Variants in RUBCN observed in about 807,000 individuals in gnomAD.
RUBCN encodes rubicon autophagy regulator, also known as run domain Beclin-1-interacting and cysteine-rich domain-containing protein.
RUBCN carries 74 observed loss-of-function variants against 113.2 expected under a neutral mutation model. The ratio of observed to expected loss-of-function variants is 0.65; its 90% CI spans 0.54 to 0.79. The LOEUF (loss-of-function observed/expected upper bound fraction) is 0.79. RUBCN is among the 30% of genes least tolerant of loss of function. The probability of loss-of-function intolerance (pLI) is 0.00; values close to 1 mark genes in which losing one functional copy is unlikely to be tolerated. For missense variants in RUBCN, 1,109 were observed against 1,251.7 expected (o/e 0.89, Z 1.72); for synonymous variants, 480 against 490.0 (o/e 0.98, Z 0.27).
At chr3:197,720,641 A>G (rs1421171783) in intron 1 of RUBCN, among the ~76,000 whole-genome samples, 1 of 152,132 alleles carries the variant, frequency 6.6e-6, no homozygotes, top group South Asian at 2.1e-4. Flanking sequence ...TCCTGGGCTC[A>G]CATGATCTGT....
At chr3:197,749,251 A>G (rs1728897423) in intron 1 of RUBCN, 1 of 1,033,182 alleles carries the variant, frequency 9.7e-7, no homozygotes, top group African/African-American at 1.7e-5. Flanking sequence ...ATGCAGCTAC[A>G]TCAACAGAGG....
At chr3:197,738,808 T>C (rs1438889229), upstream of RUBCN, among the ~76,000 whole-genome samples, 4 of 151,688 alleles carry the variant, frequency 2.6e-5, no homozygotes, top group Admixed American at 2.0e-4. Flanking sequence ...CCTAAGCTGG[T>C]CTCAAATTCC....
intron 4 of RUBCN, among the ~76,000 whole-genome samples, 184 bp from the exon 5 acceptor site, chr3:197,703,838 C>T (rs1050731826): frequency 4.6e-5 from 7 of 152,132 alleles, no homozygotes; most frequent in South Asian, 2.1e-4. Flanking sequence ...GAGGCTTCAA[C>T]GTCAGAAAAA....
At chr3:197,734,705 A>T (rs1245365282) in intron 1 of RUBCN, among the ~76,000 whole-genome samples, 1 of 152,250 alleles carries the variant, frequency 6.6e-6, no homozygotes, top group Non-Finnish European at 1.5e-5. Context: ...ATGAAGTGGT[A>T]GAGGGAAATC....
At chr3:197,731,813 T>C (rs1030913049) in intron 1 of RUBCN, among the ~76,000 whole-genome samples, 12 of 149,262 alleles carry the variant, frequency 8.0e-5, no homozygotes, top group African/African-American at 3.0e-4. Flanking sequence ...CCCCCCCACC[T>C]CCCTCCGGGA....
upstream of RUBCN, among the ~76,000 whole-genome samples, chr3:197,738,077 A>T: frequency 6.6e-6 from 1 of 152,214 alleles, no homozygotes; most frequent in East Asian, 1.9e-4. Flanking sequence ...TTTTTAAAAG[A>T]AGCTAGGATC....
At chr3:197,698,814 G>A (rs1207224821) in intron 7 of RUBCN, among the ~76,000 whole-genome samples, 2 of 79,860 alleles carry the variant, frequency 2.5e-5, no homozygotes, top group African/African-American at 1.0e-4. Context: ...GCAATGCGGT[G>A]AAACCCTGTC....
exon 1 of RUBCN, chr3:197,749,433 C>A: frequency 8.1e-7 from 1 of 1,231,290 alleles, no homozygotes; most frequent in Non-Finnish European, 1.0e-6. Flanking sequence ...CGTTCAGATG[C>A]GGCAGCTCAG....
intron 2 of RUBCN, among the ~76,000 whole-genome samples, chr3:197,713,986 G>C (rs1361685860): frequency 6.6e-6 from 1 of 152,070 alleles, no homozygotes; most frequent in Non-Finnish European, 1.5e-5. Flanking sequence ...TGAGGCAGGA[G>C]AATGGCGTAA....
At chr3:197,733,285 C>T (rs112468738) in intron 1 of RUBCN, among the ~76,000 whole-genome samples, 1,539 of 152,232 alleles carry the variant, frequency 0.01, 16 homozygotes, top group South Asian at 0.043. Context: ...CTGGCCTAGG[C>T]AACATGGTGA....
intron 11 of RUBCN, among the ~76,000 whole-genome samples, chr3:197,690,544 CTACT>C (rs1401070115): frequency 2.6e-5 from 4 of 152,166 alleles, no homozygotes; most frequent in Non-Finnish European, 5.9e-5. Flanking sequence ...TACAGGAAAC[CTACT>C]TATTTGGATC....
intron 1 of RUBCN, among the ~76,000 whole-genome samples, chr3:197,726,768 C>G (rs1191303274): frequency 1.3e-5 from 2 of 150,188 alleles, no homozygotes; most frequent in Non-Finnish European, 3.0e-5. Context: ...TCTCAAACTC[C>G]TGACCTCATG....
intron 2 of RUBCN, among the ~76,000 whole-genome samples, chr3:197,711,642 G>A (rs1006120465): frequency 2.0e-5 from 3 of 151,836 alleles, no homozygotes; most frequent in African/African-American, 7.3e-5. Context: ...AGACCAGCCT[G>A]GGCAACATAG....
intron 12 of RUBCN, 134 bp downstream of exon 12, chr3:197,684,023 G>A (rs1286892850): frequency 4.3e-6 from 3 of 705,392 alleles, no homozygotes; most frequent in Non-Finnish European, 4.9e-6. Context: ...GGCACCATCA[G>A]CAAGCCCCTC....
intron 1 of RUBCN, among the ~76,000 whole-genome samples, chr3:197,729,094 C>G (rs1218183237): frequency 6.8e-6 from 1 of 146,450 alleles, no homozygotes; most frequent in Non-Finnish European, 1.5e-5. Flanking sequence ...TGCAGTGAGC[C>G]GAGATTGTGC....
intron 1 of RUBCN, among the ~76,000 whole-genome samples, chr3:197,725,283 T>C (rs1205686160): frequency 6.6e-6 from 1 of 152,024 alleles, no homozygotes; most frequent in African/African-American, 2.4e-5. Context: ...CTATCACATG[T>C]GTGTTTAATG....
chr3:197,710,388 G>T (rs1724824140), intron 2 of RUBCN, among the ~76,000 whole-genome samples: 2 of 152,006 alleles, frequency 1.3e-5, no homozygotes, highest in Admixed American at 6.6e-5. Flanking sequence ...ATCACCTGAG[G>T]TCAGGAGTTC....
chr3:197,687,127 C>T (rs986646308), intron 11 of RUBCN, among the ~76,000 whole-genome samples: 2 of 152,180 alleles, frequency 1.3e-5, no homozygotes, highest in African/African-American at 4.8e-5. Context: ...AGTTTGATGC[C>T]GGTTTCCATC....
chr3:197,676,856 AGCTGCAT>A (rs1720496276), intron 18 of RUBCN, 22 bp downstream of exon 18: 1 of 1,614,092 alleles, frequency 6.2e-7, no homozygotes. Context: ...GCAAGGGCTC[AGCTGCAT>A]GCTACAGTGA....
Sources: gnomAD v4.1 joint callset for allele counts (sites outside exome capture counted in the v4.1 genomes callset) on GRCh38, gnomAD v4.1.1 for gene constraint, MANE v1.5 for transcripts, NCBI Gene and HGNC (gene_info 2026-07-23, HGNC 2026-07-21) for gene names.